The following GART variants were observed in gnomAD, a reference collection of about 807,000 sequenced individuals.
The protein encoded by GART is trifunctional purine biosynthetic protein adenosine-3.
Under a neutral mutation model 107.2 loss-of-function variants are expected in GART, and 43 were observed. The observed-to-expected ratio is 0.40, with a 90% CI of 0.31 to 0.52. GART has a LOEUF of 0.52. GART is among the 20% of genes least tolerant of loss of function. The pLI, the probability that GART is intolerant of heterozygous loss-of-function variation, is 0.52. For missense variants in GART, 1,107 were observed against 1,206.5 expected (o/e 0.92, Z 1.22); for synonymous variants, 434 against 427.0 (o/e 1.02, Z -0.20).
In GART at chr21:33,504,121, G is replaced by C. The variant is rs376369374; in HGVS notation, c.*3C>G. On this transcript the variant is annotated 3_prime_UTR_variant, in exon 22 of 22. Coordinates refer to ENST00000381815, the MANE Select transcript of GART (RefSeq NM_000819.5). ...ACTGGCCCCATTTCTGAATTAAAAG[G>C]CTTCATTCCTCTTTAACCCAACAGA... The C allele has an allele frequency of 6.1e-5, 97 of 1,597,172 alleles. No individual in the cohort carries two copies. The highest frequency in any genetic ancestry group is 7.8e-5 in the Non-Finnish European group (91 of 1,170,516).
At chr21:33,513,105 CTGTG>C (rs3057407) in intron 16 of GART, among the ~76,000 whole-genome samples, 21,461 of 144,398 alleles carry the variant, frequency 0.15, 1,848 homozygotes, top group Admixed American at 0.21. Context: ...GTGTGTGTCT[CTGTG>C]TGTGTGTGTG....
At chr21:33,518,298 CG>C in intron 14 of GART, among the ~76,000 whole-genome samples, 1 of 152,126 alleles carries the variant, frequency 6.6e-6, no homozygotes, top group South Asian at 2.1e-4. Context: ...GCCAACATGG[CG>C]AAACTCTGTC....
At chr21:33,504,372 T>C in intron 21 of GART, 40 bp downstream of exon 21, 2 of 1,609,228 alleles carry the variant, frequency 1.2e-6, no homozygotes, top group Non-Finnish European at 1.7e-6. Context: ...CATTTACATC[T>C]GACTACTAAT....
At chr21:33,524,566 C>A in intron 11 of GART, 1 of 1,259,666 alleles carries the variant, frequency 7.9e-7, no homozygotes, top group Non-Finnish European at 9.9e-7. Flanking sequence ...GCTAAACTTT[C>A]CAAACTTACG....
intron 14 of GART, among the ~76,000 whole-genome samples, chr21:33,517,982 C>G (rs1248321415): frequency 6.6e-6 from 1 of 152,184 alleles, no homozygotes; most frequent in Non-Finnish European, 1.5e-5. Flanking sequence ...GATGATACAG[C>G]CTTAAAGAAG....
intron 10 of GART, among the ~76,000 whole-genome samples, chr21:33,525,847 T>C (rs1398979470): frequency 6.6e-6 from 1 of 151,726 alleles, no homozygotes; most frequent in African/African-American, 2.4e-5. Context: ...ATTAATCTTT[T>C]CCTTAAGAGT....
chr21:33,533,452 T>A (rs866030532), intron 4 of GART, among the ~76,000 whole-genome samples: 2,007 of 134,500 alleles, frequency 0.015, 28 homozygotes, highest in South Asian at 0.044. Context: ...AAAAAAAAAA[T>A]AAATAAATAA....
intron 10 of GART, among the ~76,000 whole-genome samples, 183 bp from the exon 11 acceptor site, chr21:33,525,183 G>A (rs979993909): frequency 1.3e-5 from 2 of 151,148 alleles, no homozygotes; most frequent in African/African-American, 2.4e-5. Context: ...CCATGAGTTC[G>A]AGACCAGCCT....
intron 8 of GART, 108 bp from the exon 9 acceptor site, chr21:33,528,712 T>C: frequency 2.0e-6 from 2 of 1,024,448 alleles, no homozygotes; most frequent in Non-Finnish European, 1.4e-6. Flanking sequence ...ATCAAAGTTT[T>C]GGAAAAATCA....
Position 33,525,035 on chromosome 21 carries a change from T to C in GART, c.1067-35A>G, listed in dbSNP as rs747080291. On this transcript the variant is annotated intron_variant, in intron 10 of 21. Coordinates refer to ENST00000381815, the MANE Select transcript of GART (RefSeq NM_000819.5). ...AGCATATTTGACATATGATTTCAAA[T>C]AGCAACAGTATTTCACACCGTGAAG... The C allele has an allele frequency of 1.3e-5, 21 of 1,594,430 alleles. No individual in the cohort carries two copies. In the African/African-American group the frequency reaches 2.4e-4, roughly 19 times the overall value.
chr21:33,517,156 G>A lies in GART; in HGVS notation c.1955-15C>T, dbSNP rs1335579391. ...AAGTAAGTCCCCTGCATGTTGAAGA[G>A]AGAAGACAAAAACTTAGCCTATGAA... On this transcript the variant is annotated splice_polypyrimidine_tract_variant and intron_variant, in intron 15 of 21. Transcript: ENST00000381815. The A allele has an allele frequency of 1.8e-5, 28 of 1,590,390 alleles. No individual in the cohort carries two copies. Among genetic ancestry groups the A allele is most frequent in the Non-Finnish European group, 2.2e-5 (26 of 1,172,978 alleles).
At chr21:33,542,734 C>T (rs1343446150), upstream of GART, 2 of 241,418 alleles carry the variant, frequency 8.3e-6, no homozygotes, top group East Asian at 1.9e-4. Flanking sequence ...CCTTTAATCT[C>T]AGGCACTTAG....
intron 18 of GART, 22 bp from the exon 19 acceptor site, chr21:33,506,126 A>G: frequency 6.2e-7 from 1 of 1,602,776 alleles, no homozygotes; most frequent in Non-Finnish European, 8.5e-7. Flanking sequence ...GAAAAACAGC[A>G]GTGAGCTCAT....
chr21:33,541,198 G>GC (rs2085411738), intron 1 of GART, among the ~76,000 whole-genome samples: 1 of 152,166 alleles, frequency 6.6e-6, no homozygotes. Context: ...AGGCTGGAGG[G>GC]CAGTGGTGTG....
At chr21:33,535,347 ACC>A in intron 2 of GART, 27 bp from the exon 3 acceptor site, 3 of 1,282,660 alleles carry the variant, frequency 2.3e-6, no homozygotes, top group Non-Finnish European at 3.2e-6. Context: ...AAAAAAAAAA[ACC>A]ACTGCATTTA....
In GART at chr21:33,525,129, A is replaced by T. The variant is rs527266267; in HGVS notation, c.1067-129T>A. The stretch of plus-strand genomic sequence containing the variant: ...TGGCTAGGTGCGGTGGCTCATGCTT[A>T]TAATTCCAGCACTTTGGGAGGCTGA... On this transcript the variant is annotated intron_variant, in intron 10 of 21. Transcript: ENST00000381815. 29 of 1,411,262 alleles carry T rather than the reference A, an allele frequency of 2.1e-5. No homozygotes were observed. The African/African-American group carries it at 4.1e-4, about 20-fold the overall frequency. 87.4% of individuals were successfully genotyped at this position (1,411,262 alleles called of 1,614,324 possible).
chr21:33,512,135 T>A (rs1411744518), intron 16 of GART, among the ~76,000 whole-genome samples: 1 of 151,510 alleles, frequency 6.6e-6, no homozygotes, highest in Non-Finnish European at 1.5e-5. Context: ...AATACAATAA[T>A]TAGCTGGGCG....
At chr21:33,532,296 T>C in intron 5 of GART, 49 bp downstream of exon 5, 1 of 1,262,050 alleles carries the variant, frequency 7.9e-7, no homozygotes, top group East Asian at 2.3e-5. Context: ...AAAACGGTAT[T>C]TATTCAGTAT....
Position 33,505,953 on chromosome 21 carries a change from A to G in GART, c.2583+21T>C, listed in dbSNP as rs558462271. 54 of 1,613,686 alleles carry G rather than the reference A, an allele frequency of 3.3e-5. No individual in the cohort carries two copies. The South Asian group carries it at 5.8e-4, about 17-fold the overall frequency. ...AGCTTAAATATGGCCCACAGCAAAGATATTTTCCCAAGTAACTTACTCTAG... is the reference window on the plus strand; with the variant it reads ...AGCTTAAATATGGCCCACAGCAAAGGTATTTTCCCAAGTAACTTACTCTAG... On this transcript the variant is annotated intron_variant, in intron 19 of 21. Coordinates refer to ENST00000381815, the MANE Select transcript of GART (RefSeq NM_000819.5).
Sources: allele counts gnomAD v4.1 joint callset (sites outside exome capture counted in the v4.1 genomes callset), GRCh38; gene constraint gnomAD v4.1.1; transcripts MANE v1.5; gene names NCBI Gene and HGNC (gene_info 2026-07-23, HGNC 2026-07-21).